ETFA: variants seen among roughly 807,000 people sequenced by gnomAD.
The protein encoded by ETFA is electron transfer flavoprotein subunit alpha, also known as electron transfer flavoprotein subunit alpha, mitochondrial.
ETFA carries 22 observed loss-of-function variants against 46.2 expected under a neutral mutation model. The ratio of observed to expected loss-of-function variants is 0.48; its 90% CI spans 0.34 to 0.68. The LOEUF (loss-of-function observed/expected upper bound fraction) is 0.68. ETFA is among the 30% of genes least tolerant of loss of function. The pLI is 0.01. For missense variants in ETFA, 345 were observed against 401.1 expected (o/e 0.86, Z 1.19); for synonymous variants, 131 against 139.9 (o/e 0.94, Z 0.45).
intron 9 of ETFA, among the ~76,000 whole-genome samples, chr15:76,271,675 T>C (rs975060248): frequency 1.3e-5 from 2 of 152,204 alleles, no homozygotes; most frequent in African/African-American, 4.8e-5. Flanking sequence ...AATATCCTAA[T>C]TTAAAAAGTT....
chr15:76,231,004 G>C, intron 10 of ETFA: 1 of 263,084 alleles, frequency 3.8e-6, no homozygotes, highest in Non-Finnish European at 7.3e-6. Context: ...TCCACAGATT[G>C]TGATAGCTGA....
In ETFA at chr15:76,225,712, A is replaced by G. The variant is rs112233448; in HGVS notation, c.963+137T>C. 2.6e-4 allele frequency: 188 copies of G among 728,240 alleles called. 1 individual carries two copies. The highest frequency in any genetic ancestry group is 1.6e-3 in the African/African-American group (92 of 57,358). The allele number at this position is 728,240 out of a possible 1,614,324, so 45.1% of individuals were successfully genotyped here. A position where few individuals can be genotyped will look rare whatever the true frequency, so the allele number is the denominator to read the frequency against. On this transcript the variant is annotated intron_variant, in intron 11 of 11. Coordinates refer to ENST00000557943, the MANE Select transcript of ETFA (RefSeq NM_000126.4). ...CTTTAAGTAGGTCAAAATTGTGTAC[A>G]TATATTAACAGTATACATACAAACA...
At chr15:76,245,946 A>G (rs1361598634) in intron 9 of ETFA, among the ~76,000 whole-genome samples, 2 of 152,252 alleles carry the variant, frequency 1.3e-5, no homozygotes, top group Non-Finnish European at 2.9e-5. Context: ...TAAGTTCAAC[A>G]AATATTAATG....
At chr15:76,267,266 C>T (rs543033135) in intron 9 of ETFA, among the ~76,000 whole-genome samples, 29 of 152,276 alleles carry the variant, frequency 1.9e-4, no homozygotes, top group South Asian at 6.2e-4. Flanking sequence ...ACAACCAAAA[C>T]GCTCACTCTG....
chr15:76,233,195 T>C (rs563515878), intron 9 of ETFA, among the ~76,000 whole-genome samples: 34 of 152,296 alleles, frequency 2.2e-4, no homozygotes, highest in African/African-American at 7.7e-4. Flanking sequence ...AGTGTGTCAA[T>C]TGTGACCCTA....
intron 1 of ETFA, among the ~76,000 whole-genome samples, chr15:76,297,167 G>A (rs1165071284): frequency 6.6e-6 from 1 of 152,178 alleles, no homozygotes; most frequent in Non-Finnish European, 1.5e-5. Context: ...GGTATGAATT[G>A]AAGGGAAGTC....
chr15:76,221,667 A>C (rs1238344181), intron 11 of ETFA, among the ~76,000 whole-genome samples: 2 of 152,208 alleles, frequency 1.3e-5, no homozygotes, highest in Non-Finnish European at 2.9e-5. Context: ...TTTAATCTTC[A>C]TTACAACCTT....
At chr15:76,247,249 T>C (rs1240791233) in intron 9 of ETFA, among the ~76,000 whole-genome samples, 3 of 152,250 alleles carry the variant, frequency 2.0e-5, no homozygotes, top group Non-Finnish European at 4.4e-5. Context: ...AAGGTGCTTA[T>C]GAATCTAAGA....
Position 76,215,674 on chromosome 15 carries a change from C to G in ETFA, c.*885G>C, listed in dbSNP as rs2038890378. ...CTGCAGCCCTGGTGACACTCTTGGA[C>G]CTCAGCTGTGCCCTGGGCAGCAGAA... On this transcript the variant is annotated 3_prime_UTR_variant, in exon 12 of 12. Transcript: ENST00000557943. 1 of 152,268 alleles carries G rather than the reference C, an allele frequency of 6.6e-6. No homozygotes were observed. Among genetic ancestry groups the G allele is most frequent in the Non-Finnish European group, 1.5e-5 (1 of 68,122 alleles). 9.4% of individuals were successfully genotyped at this position (152,268 alleles called of 1,614,324 possible).
intron 9 of ETFA, among the ~76,000 whole-genome samples, chr15:76,248,390 GATTATA>G (rs1285308711): frequency 2.0e-5 from 3 of 151,918 alleles, no homozygotes; most frequent in Non-Finnish European, 4.4e-5. Context: ...AAATCAAGTA[GATTATA>G]ATTATAAACC....
chr15:76,259,668 CG>C (rs2039383358), intron 9 of ETFA: 9 of 986,162 alleles, frequency 9.1e-6, no homozygotes, highest in Non-Finnish European at 1.5e-5. Flanking sequence ...ATAGTAGCCC[CG>C]CTGTAGATCT....
chr15:76,306,318 G>A (rs1219363024), intron 1 of ETFA, among the ~76,000 whole-genome samples: 2 of 131,662 alleles, frequency 1.5e-5, no homozygotes, highest in African/African-American at 2.8e-5. Flanking sequence ...CCAGACTGCA[G>A]TGCAGTGGCG....
Position 76,216,157 on chromosome 15 carries a change from C to G in ETFA, c.*402G>C, listed in dbSNP as rs560478477. ...CAATGAGATTAGTAGGTTGATTAGG[C>G]TGGTGGAGACAATCATGTTTACAAT... On this transcript the variant is annotated 3_prime_UTR_variant, in exon 12 of 12. Transcript: ENST00000557943. 2 of 181,562 alleles carry G rather than the reference C, an allele frequency of 1.1e-5. No homozygotes were observed. Among genetic ancestry groups the G allele is most frequent in the African/African-American group, 4.8e-5 (2 of 41,788 alleles). The allele number at this position is 181,562 out of a possible 1,614,324, so 11.2% of individuals were successfully genotyped here.
At chr15:76,227,994 AC>A in intron 10 of ETFA, 1 of 455,938 alleles carries the variant, frequency 2.2e-6, no homozygotes. Flanking sequence ...AGGCACAAGA[AC>A]AAACATTCTG....
chr15:76,231,496 T>C (rs1654871926), intron 9 of ETFA, 98 bp from the exon 10 acceptor site: 3 of 745,160 alleles, frequency 4.0e-6, no homozygotes, highest in African/African-American at 1.8e-5. Context: ...GCAAAAGATA[T>C]GTTAAATAAA....
intron 9 of ETFA, among the ~76,000 whole-genome samples, chr15:76,247,177 C>T (rs925931396): frequency 3.4e-5 from 5 of 148,908 alleles, no homozygotes; most frequent in African/African-American, 1.2e-4. Flanking sequence ...ACTTTTTAAA[C>T]CCAGGAGTCA....
At chr15:76,245,725 C>G (rs2039237148) in intron 9 of ETFA, among the ~76,000 whole-genome samples, 1 of 152,154 alleles carries the variant, frequency 6.6e-6, no homozygotes. Flanking sequence ...AGCGTAAGAA[C>G]ACATTTCCCT....
At chr15:76,273,627 T>C (rs1196974119) in intron 9 of ETFA, among the ~76,000 whole-genome samples, 1 of 151,844 alleles carries the variant, frequency 6.6e-6, no homozygotes, top group Non-Finnish European at 1.5e-5. Flanking sequence ...AAATGTTGAC[T>C]ACAGCATCTT....
At chr15:76,251,837 C>T (rs1452450979) in intron 9 of ETFA, among the ~76,000 whole-genome samples, 1 of 152,132 alleles carries the variant, frequency 6.6e-6, no homozygotes, top group Admixed American at 6.5e-5. Flanking sequence ...CACGAAAATG[C>T]ACTTAATATT....
Sources: allele counts gnomAD v4.1 joint callset (sites outside exome capture counted in the v4.1 genomes callset), GRCh38; gene constraint gnomAD v4.1.1; transcripts MANE v1.5; gene names NCBI Gene and HGNC (gene_info 2026-07-23, HGNC 2026-07-21).